NSD3: variants seen among roughly 807,000 people sequenced by gnomAD.
The protein encoded by NSD3 is histone-lysine N-methyltransferase NSD3.
NSD3 carries 24 observed loss-of-function variants against 160.8 expected under a neutral mutation model. That is an observed-to-expected ratio of 0.15 (90% CI 0.11 to 0.21). The LOEUF (loss-of-function observed/expected upper bound fraction) is 0.21. Among genes scored for constraint, NSD3 ranks in the 10% least tolerant of loss-of-function variants. The pLI is 1.00. For synonymous variants in NSD3, 520 were observed against 600.0 expected, an observed-to-expected ratio of 0.87 and a Z score of 1.95; for missense variants, 1,157 against 1,735.9, an observed-to-expected ratio of 0.67 and a Z score of 5.93.
chr8:38,366,573 C>A (rs1253811295), intron 1 of NSD3, among the ~76,000 whole-genome samples: 3 of 152,004 alleles, frequency 2.0e-5, no homozygotes, highest in African/African-American at 7.2e-5. Flanking sequence ...GCCACCACAC[C>A]TGGCTAATTT....
intron 2 of NSD3, among the ~76,000 whole-genome samples, chr8:38,345,743 T>C (rs1810504758): frequency 6.6e-6 from 1 of 150,534 alleles, no homozygotes; most frequent in Non-Finnish European, 1.5e-5. Flanking sequence ...CTGTCTCTAC[T>C]TGAAAAAAAA....
In NSD3 at chr8:38,329,797, C is replaced by T; in HGVS notation, c.1162G>A (p.Glu388Lys). The T allele has an allele frequency of 6.2e-7, 1 of 1,613,916 alleles. No individual in the cohort carries two copies. The highest frequency in any genetic ancestry group is 8.5e-7 in the Non-Finnish European group (1 of 1,179,928). The change falls in exon 6 of 24, where the codon GAA (glutamate) becomes AAA (lysine). Residue 388 changes from glutamate to lysine, a missense_variant. This residue lies in a region of NSD3 where 168 missense variants were observed against 208.1 expected (regional missense o/e 0.81). Transcript: ENST00000317025. The surrounding 1 kb of genome is among the most constrained non-coding windows in gnomAD (Gnocchi z 4.8). ...TCAATGTAAATAAAAGTATACTGTT[C>T]TATTCTTTCTTCTCGAGTCATTTTC... ...ALKMTREERI[E>K]QYTFIYIDKQ...
Position 38,274,890 on chromosome 8 carries a change from T to C in NSD3, c.*751A>G, listed in dbSNP as rs571379499. 25 of 185,246 alleles carry C rather than the reference T, an allele frequency of 1.3e-4. No individual in the cohort carries two copies. Among genetic ancestry groups the C allele is most frequent in the South Asian group, 5.9e-4 (3 of 5,122 alleles). The allele number at this position is 185,246 out of a possible 1,614,324, so 11.5% of individuals were successfully genotyped here. A position where few individuals can be genotyped will look rare whatever the true frequency, so the allele number is the denominator to read the frequency against. ...CCATCCATGTCAATGGAAAACGTTTTAAAAATCAGTGAGCACATCCATTCC... is the reference window on the plus strand; with the variant it reads ...CCATCCATGTCAATGGAAAACGTTTCAAAAATCAGTGAGCACATCCATTCC... On this transcript the variant is annotated 3_prime_UTR_variant, in exon 24 of 24. Transcript: ENST00000317025.
chr8:38,332,041 C>T (rs905007581), intron 4 of NSD3, among the ~76,000 whole-genome samples: 2 of 152,212 alleles, frequency 1.3e-5, no homozygotes, highest in Non-Finnish European at 2.9e-5. Flanking sequence ...AATCCTGTGC[C>T]TTAGCCTCTT....
Position 38,293,154 on chromosome 8 carries a change from A to G in NSD3, c.2916-2477T>C, listed in dbSNP as rs189643471. Among the ~76,000 whole-genome samples the G allele has an allele frequency of 3.9e-3, 578 of 150,054 alleles. 5 individuals are homozygous for G. The highest frequency in any genetic ancestry group is 0.014 in the African/African-American group (560 of 41,188). Reference sequence around the variant, plus strand: ...TTGTCTCAAAAAAAAAAAAAAAAAGAAAAAGAAAAAGAAGTGGGGGGAGGT... The same window carrying G: ...TTGTCTCAAAAAAAAAAAAAAAAAGGAAAAGAAAAAGAAGTGGGGGGAGGT... On this transcript the variant is annotated intron_variant, in intron 16 of 23. Transcript: ENST00000317025.
intron 1 of NSD3, among the ~76,000 whole-genome samples, chr8:38,365,438 CT>C (rs1428071387): frequency 1.3e-5 from 2 of 152,152 alleles, no homozygotes; most frequent in Non-Finnish European, 2.9e-5. Flanking sequence ...TGATATGCTA[CT>C]ATAAAACAGG....
intron 1 of NSD3, among the ~76,000 whole-genome samples, chr8:38,377,828 G>A (rs1044423053): frequency 2.0e-5 from 3 of 152,184 alleles, no homozygotes; most frequent in African/African-American, 7.2e-5. Flanking sequence ...AGCTACTCGG[G>A]AGACTGAGGC....
Position 38,317,894 on chromosome 8 carries a change from CAA to C in NSD3, c.1855+999_1855+1000del. On this transcript the variant is annotated intron_variant, in intron 9 of 23. Coordinates refer to ENST00000317025, the MANE Select transcript of NSD3 (RefSeq NM_023034.2). This position sits in a 1 kb window ranked among gnomAD's most constrained non-coding sequence, Gnocchi z 5.3. ...AAGAAACTGTTTATCAAGCCGCCGA[CAA>C]AGAAATCTTGCATGGAGACTACAAG... 1 of 1,601,932 alleles carries C rather than the reference CAA, an allele frequency of 6.2e-7. No individual in the cohort carries two copies.
intron 14 of NSD3, among the ~76,000 whole-genome samples, chr8:38,302,552 A>G (rs993912595): frequency 6.6e-6 from 1 of 152,216 alleles, no homozygotes; most frequent in South Asian, 2.1e-4. Context: ...GTAAATACAG[A>G]TTCTGTTGTT....
At chr8:38,296,609 A>C (rs1451077553) in intron 15 of NSD3, among the ~76,000 whole-genome samples, 1 of 151,352 alleles carries the variant, frequency 6.6e-6, no homozygotes, top group African/African-American at 2.4e-5. Context: ...CCTCCTCATG[A>C]ACCCACATAA....
At chr8:38,293,170 G>A (rs545138166) in intron 16 of NSD3, among the ~76,000 whole-genome samples, 1 of 151,480 alleles carries the variant, frequency 6.6e-6, no homozygotes, top group Non-Finnish European at 1.5e-5. Context: ...AAAAAGAAGT[G>A]GGGGGAGGTT....
At chr8:38,298,099 A>T (rs1328338221) in intron 15 of NSD3, among the ~76,000 whole-genome samples, 1 of 152,200 alleles carries the variant, frequency 6.6e-6, no homozygotes, top group Non-Finnish European at 1.5e-5. Context: ...GATACAAGAG[A>T]AGTAAGATAT....
chr8:38,274,577 A>G lies in NSD3; in HGVS notation c.*1064T>C, dbSNP rs1808555390. On this transcript the variant is annotated 3_prime_UTR_variant, in exon 24 of 24. Coordinates refer to ENST00000317025, the MANE Select transcript of NSD3 (RefSeq NM_023034.2). ...AAAAAGATCTATTCAAATACAATTC[A>G]AACTCACTTGTGTGGTTTTACCAGG... The G allele has an allele frequency of 6.6e-6, 1 of 152,254 alleles. No individual in the cohort carries two copies. The highest frequency in any genetic ancestry group is 2.4e-5 in the African/African-American group (1 of 41,474). 9.4% of individuals were successfully genotyped at this position (152,254 alleles called of 1,614,324 possible).
intron 16 of NSD3, among the ~76,000 whole-genome samples, chr8:38,293,236 A>T: frequency 6.6e-6 from 1 of 152,078 alleles, no homozygotes; most frequent in Non-Finnish European, 1.5e-5. Context: ...TTAAATGGGT[A>T]AACATGTCTA....
intron 16 of NSD3, among the ~76,000 whole-genome samples, chr8:38,292,502 G>T (rs759294199): frequency 2.4e-4 from 36 of 151,606 alleles, no homozygotes; most frequent in Non-Finnish European, 4.7e-4. Flanking sequence ...CAAAGATTAG[G>T]CCAGGCACGG....
chr8:38,290,882 CTACT>C, intron 16 of NSD3: 1 of 456,634 alleles, frequency 2.2e-6, no homozygotes, highest in Non-Finnish European at 3.9e-6. Flanking sequence ...AACACCTGAT[CTACT>C]TTCTTTTAAA....
intron 1 of NSD3, among the ~76,000 whole-genome samples, chr8:38,360,268 A>G (rs1810928336): frequency 1.3e-5 from 2 of 152,316 alleles, no homozygotes; most frequent in Admixed American, 1.3e-4. Flanking sequence ...TACAGCCATG[A>G]GCCACTGTGC....
chr8:38,300,799 C>G (rs1044834846), intron 14 of NSD3, among the ~76,000 whole-genome samples: 1 of 152,160 alleles, frequency 6.6e-6, no homozygotes. Flanking sequence ...ATTTACAATA[C>G]AAATTACGGC....
chr8:38,332,170 G>A (rs976558769), intron 4 of NSD3, among the ~76,000 whole-genome samples: 16 of 152,274 alleles, frequency 1.1e-4, no homozygotes, highest in Non-Finnish European at 1.5e-4. Flanking sequence ...CAAACGCTTG[G>A]CCTGAAGTGA....
Sources: allele counts gnomAD v4.1 joint callset (sites outside exome capture counted in the v4.1 genomes callset), GRCh38; gene constraint gnomAD v4.1.1; regional missense constraint gnomAD v4.1.1; non-coding constraint Gnocchi (gnomAD v3.1); transcripts MANE v1.5; gene names NCBI Gene and HGNC (gene_info 2026-07-23, HGNC 2026-07-21).